WNK2: variants seen among roughly 807,000 people sequenced by gnomAD.
The protein encoded by WNK2 is serine/threonine-protein kinase WNK2.
In WNK2, 67 loss-of-function variants were observed where a neutral mutation model predicts 192.1. That is an observed-to-expected ratio of 0.35 (90% confidence interval 0.29 to 0.43). The LOEUF (loss-of-function observed/expected upper bound fraction) is 0.43, where lower values mean the gene tolerates loss of function less well. Among genes scored for constraint, WNK2 ranks in the 20% least tolerant of loss-of-function variants. The probability of loss-of-function intolerance (pLI) is 1.00; values close to 1 mark genes in which losing one functional copy is unlikely to be tolerated. For missense variants in WNK2, 2,698 were observed against 3,089.7 expected, an observed-to-expected ratio of 0.87 and a Z score of 3.01; for synonymous variants, 1,439 against 1,393.9, an observed-to-expected ratio of 1.03 and a Z score of -0.72.
At chr9:93,191,609 A>G (rs1830343666) in intron 2 of WNK2, among the ~76,000 whole-genome samples, 1 of 152,044 alleles carries the variant, frequency 6.6e-6, no homozygotes, top group African/African-American at 2.4e-5. Flanking sequence ...GGTGACTGCC[A>G]CTGTCTAGGT....
chr9:93,253,114 C>G (rs762060546), intron 9 of WNK2, 32 bp downstream of exon 9: 314 of 813,124 alleles, frequency 3.9e-4, no homozygotes, highest in Non-Finnish European at 5.5e-4. Flanking sequence ...ACCCCCTTCC[C>G]CATCCCCATT....
intron 16 of WNK2, among the ~76,000 whole-genome samples, chr9:93,266,697 T>G (rs557010642): frequency 6.6e-6 from 1 of 152,350 alleles, no homozygotes; most frequent in Non-Finnish European, 1.5e-5. Context: ...TGGAGGTGTA[T>G]GCAGGTGGTG....
intron 26 of WNK2, among the ~76,000 whole-genome samples, chr9:93,304,567 CCTT>C (rs1249083415): frequency 3.3e-5 from 5 of 152,232 alleles, no homozygotes; most frequent in African/African-American, 1.2e-4. Flanking sequence ...CTGAAAGTTT[CCTT>C]TGTTCTCCCG....
rs112155326 is a variant in WNK2 at position 93,222,325 on chromosome 9, C to T, written c.682-7371C>T. ...CTGAGACACCAGGCGTGTGCCACCA[C>T]ACCCAGCTAATAATTCCTCCCTCCC... is the stretch of plus-strand genomic sequence containing the variant. On this transcript the variant is annotated intron_variant, in intron 2 of 29. Coordinates refer to ENST00000427277, the MANE Select transcript of WNK2 (RefSeq NM_006648.4). 3.7e-3 allele frequency among the ~76,000 whole-genome samples: 556 copies of T among 152,308 alleles called. 2 individuals are homozygous for T. The highest frequency in any genetic ancestry group is 6.8e-3 in the South Asian group (33 of 4,830).
chr9:93,317,608 C>T lies in WNK2; in HGVS notation c.6605C>T (p.Pro2202Leu), dbSNP rs377748076. The change falls in exon 29 of 30, where the codon CCG becomes CTG. Residue 2202 changes from proline (P) to leucine (L), a missense_variant. This residue lies in a region of WNK2 where 167 missense variants were observed against 184.2 expected (regional missense o/e 0.91). Transcript: ENST00000427277. ...ACCACGGTCATTCCCGGAGCCGCCC[C>T]GACCCTGTCCGTGCCCACACCAGGT... The part of the protein sequence containing the change: ...LSTTVIPGAA[P>L]TLSVPTPDPE... The T allele has an allele frequency of 2.1e-5, 34 of 1,612,958 alleles. No individual in the cohort carries two copies. Among genetic ancestry groups the T allele is most frequent in the African/African-American group, 1.3e-4 (10 of 74,916 alleles).
intron 16 of WNK2, among the ~76,000 whole-genome samples, chr9:93,264,460 A>G (rs1844847423): frequency 1.3e-5 from 2 of 152,188 alleles, no homozygotes; most frequent in South Asian, 4.1e-4. Flanking sequence ...GTGCCCACCC[A>G]GCTCTGCCTG....
intron 23 of WNK2, among the ~76,000 whole-genome samples, chr9:93,294,805 C>T (rs901078626): frequency 6.6e-6 from 1 of 151,976 alleles, no homozygotes; most frequent in Non-Finnish European, 1.5e-5. Flanking sequence ...GGACCAGAAG[C>T]ACCTCAAAGG....
intron 7 of WNK2, among the ~76,000 whole-genome samples, chr9:93,242,659 A>T (rs926834298): frequency 2.0e-5 from 3 of 152,232 alleles, no homozygotes; most frequent in Non-Finnish European, 4.4e-5. Context: ...ATCTCTCTGG[A>T]GGCACCTGGC....
rs1002209746 is a variant in WNK2, at chr9:93,288,784, C to T, written c.4034-4C>T. 4 of 1,605,656 alleles carry T rather than the reference C, an allele frequency of 2.5e-6. No homozygotes were observed. The highest frequency in any genetic ancestry group is 3.4e-6 in the Non-Finnish European group (4 of 1,176,956). ...TACAAAGGCATTTTCCCCATTTCTTCTAGATTCAGCGCCCTATAAAGACCA... is the reference window on the plus strand; with the variant it reads ...TACAAAGGCATTTTCCCCATTTCTTTTAGATTCAGCGCCCTATAAAGACCA... On this transcript the variant is annotated splice_polypyrimidine_tract_variant and splice_region_variant and intron_variant, in intron 19 of 29. Transcript: ENST00000427277.
chr9:93,211,510 CCACTCACTCATACATTCACT>C (rs1322609545), intron 2 of WNK2, among the ~76,000 whole-genome samples: 168 of 141,836 alleles, frequency 1.2e-3, no homozygotes, highest in African/African-American at 4.2e-3. Context: ...ATTCACTCAT[CCACTCACTCATACATTCACT>C]CACTCACTCA....
At chr9:93,301,878 T>C (rs1005660983) in intron 26 of WNK2, among the ~76,000 whole-genome samples, 5 of 152,212 alleles carry the variant, frequency 3.3e-5, no homozygotes, top group Non-Finnish European at 7.3e-5. Flanking sequence ...TTAGTCTTAG[T>C]CTTTTTGGGC....
chr9:93,253,119 C>A, intron 9 of WNK2, 37 bp downstream of exon 9: 1 of 1,353,824 alleles, frequency 7.4e-7, no homozygotes, highest in South Asian at 1.8e-5. Flanking sequence ...CTTCCCCATC[C>A]CCATTACCTG....
intron 26 of WNK2, among the ~76,000 whole-genome samples, chr9:93,301,730 C>T (rs2134114819): frequency 1.3e-5 from 2 of 152,330 alleles, no homozygotes; most frequent in East Asian, 3.9e-4. Flanking sequence ...GGGGCTGTCA[C>T]TGGGGGCGAG....
Position 93,185,272 on chromosome 9 carries a change from G to A in WNK2, c.343G>A (p.Gly115Ser). ...AGCCCCCGGAGCCCCCGCGGACGCC[G>A]GCCCCGAGCCCGTGGGCACGCAGGA... The part of the protein sequence containing the change: ...PGAPGAPADA[G>S]PEPVGTQEPG... Residue 115 changes from glycine to serine, a missense_variant, in exon 2 of 30, where the codon GGC (glycine) becomes AGC (serine). Physicochemically the swap from Gly to Ser is moderately conservative, Grantham distance 56 (BLOSUM62 0). This residue lies in a region of WNK2 where 260 missense variants were observed against 285.6 expected (regional missense o/e 0.91). Transcript: ENST00000427277. 3 of 1,318,234 alleles carry A rather than the reference G, an allele frequency of 2.3e-6. No individual in the cohort carries two copies. The highest frequency in any genetic ancestry group is 3.2e-5 in the East Asian group (1 of 31,258). 81.7% of individuals were successfully genotyped at this position (1,318,234 alleles called of 1,614,324 possible). A position where few individuals can be genotyped will look rare whatever the true frequency, so the allele number is the denominator to read the frequency against.
chr9:93,296,630 T>C (rs1342921549), intron 23 of WNK2, among the ~76,000 whole-genome samples: 60 of 35,830 alleles, frequency 1.7e-3, no homozygotes, highest in East Asian at 2.8e-3. Context: ...TCACCTTCCT[T>C]CCCTTCCATC....
chr9:93,191,446 A>G (rs1420432775), intron 2 of WNK2, among the ~76,000 whole-genome samples: 1 of 152,100 alleles, frequency 6.6e-6, no homozygotes, highest in Non-Finnish European at 1.5e-5. Context: ...CCTGGGAGAC[A>G]GAGCCTGTGA....
intron 26 of WNK2, among the ~76,000 whole-genome samples, chr9:93,300,816 A>G (rs984498156): frequency 2.6e-5 from 4 of 152,208 alleles, no homozygotes; most frequent in Admixed American, 1.3e-4. Context: ...CTGGAAGGGC[A>G]GGTCTGGTCC....
chr9:93,189,166 T>G (rs1316089735), intron 2 of WNK2, among the ~76,000 whole-genome samples: 1 of 152,142 alleles, frequency 6.6e-6, no homozygotes, highest in Non-Finnish European at 1.5e-5. Flanking sequence ...TGGAGTAAGC[T>G]TGGTTTTCAC....
At chr9:93,236,640 T>A (rs1839863797) in intron 5 of WNK2, among the ~76,000 whole-genome samples, 1 of 152,252 alleles carries the variant, frequency 6.6e-6, no homozygotes, top group Non-Finnish European at 1.5e-5. Flanking sequence ...GTTGCAGGGC[T>A]TGCCCTCTGC....
Sources: allele counts gnomAD v4.1 joint callset (sites outside exome capture counted in the v4.1 genomes callset), GRCh38; gene constraint gnomAD v4.1.1; regional missense constraint gnomAD v4.1.1; transcripts MANE v1.5; gene names NCBI Gene and HGNC (gene_info 2026-07-23, HGNC 2026-07-21).